Variants in PPEF1 observed in about 807,000 individuals in gnomAD.
PPEF1 encodes the protein protein phosphatase with EF-hand domain 1.
PPEF1 carries 12 observed loss-of-function variants against 53.3 expected under a neutral mutation model. That is an observed-to-expected ratio of 0.23 (90% CI 0.14 to 0.36). PPEF1 has a LOEUF of 0.36. Ranked by LOEUF, PPEF1 falls within the 10% of genes least tolerant of loss-of-function variation. The pLI is 1.00. For missense variants in PPEF1, 334 were observed against 490.4 expected (o/e 0.68, Z 3.01); for synonymous variants, 165 against 176.7 (o/e 0.93, Z 0.52).
chrX:18,680,438 T>TTTC (rs1226594993), upstream of PPEF1, among the ~76,000 whole-genome samples: 1 of 96,602 alleles, frequency 1.0e-5, no homozygotes, highest in Non-Finnish European at 2.1e-5. Context: ...TCTTTTTTTT[T>TTTC]TTTTTTTTGA....
chrX:18,788,269 C>A (rs1193603585), intron 9 of PPEF1, among the ~76,000 whole-genome samples: 6 of 90,141 alleles, frequency 6.7e-5, no homozygotes, highest in Non-Finnish European at 1.3e-4. Flanking sequence ...CGCGCCACTG[C>A]ACTCCAGCCT....
At chrX:18,682,867 A>G (rs768686624), upstream of PPEF1, among the ~76,000 whole-genome samples, 5 of 111,358 alleles carry the variant, frequency 4.5e-5, no homozygotes, top group South Asian at 1.9e-3. Flanking sequence ...CACGCTGCTA[A>G]TAAAGACAAA....
intron 1 of PPEF1, among the ~76,000 whole-genome samples, chrX:18,719,902 T>A (rs1200792285): frequency 8.9e-6 from 1 of 112,019 alleles, no homozygotes; most frequent in Non-Finnish European, 1.9e-5. Context: ...TCCTGCAAAC[T>A]GTTTATTAAT....
At chrX:18,822,807 A>G (rs1269729887) in intron 13 of PPEF1, among the ~76,000 whole-genome samples, 3 of 111,548 alleles carry the variant, frequency 2.7e-5, no homozygotes, top group Non-Finnish European at 5.6e-5. Context: ...TCAAGATACA[A>G]ATTCCTCCCA....
chrX:18,818,397 G>T (rs1355031728), intron 13 of PPEF1, among the ~76,000 whole-genome samples: 1 of 99,649 alleles, frequency 1.0e-5, no homozygotes, highest in African/African-American at 3.8e-5. Context: ...TTGAGACAGA[G>T]TCTTGTTCTG....
At chrX:18,694,050 G>A (rs916923520) in intron 4 of PPEF1, among the ~76,000 whole-genome samples, 10 of 111,421 alleles carry the variant, frequency 9.0e-5, no homozygotes, top group Non-Finnish European at 9.4e-5. Flanking sequence ...TTGAGAATGC[G>A]ATATAACTGT....
chrX:18,717,387 G>A lies in PPEF1; in HGVS notation c.46+9561G>A, dbSNP rs145291181. Reference sequence around the variant, plus strand: ...AGTCCATATTCAGAATTTCCCAGTTGTCCAAAATTGCCCTTTGTAACTGTT... The same window carrying A: ...AGTCCATATTCAGAATTTCCCAGTTATCCAAAATTGCCCTTTGTAACTGTT... On this transcript the variant is annotated intron_variant, in intron 1 of 15. Coordinates refer to ENST00000470157, the MANE Select transcript of PPEF1 (RefSeq NM_001377996.1). Among the ~76,000 whole-genome samples the A allele has an allele frequency of 8.4e-4, 91 of 107,922 alleles. 1 individual carries two copies. Among genetic ancestry groups the A allele is most frequent in the Non-Finnish European group, 1.3e-3 (66 of 52,267 alleles). The allele number at this position is 107,922 out of a possible 115,157, so 93.7% of individuals were successfully genotyped here. A position where few individuals can be genotyped will look rare whatever the true frequency, so the allele number is the denominator to read the frequency against.
rs770856321 is a variant in PPEF1 at position 18,824,130 on chromosome X, CAT to C, written c.1665+46_1665+47del. ...CAGCTAAAACCTAGCCAGGGTGAAA[CAT>C]AACTTAGTCCTTTGAAAAGCTGGGA... On this transcript the variant is annotated intron_variant, in intron 14 of 15. Coordinates refer to ENST00000470157, the MANE Select transcript of PPEF1 (RefSeq NM_001377996.1). 60 of 1,124,502 alleles carry C rather than the reference CAT, an allele frequency of 5.3e-5. No homozygotes were observed. The Admixed American group carries it at 1.4e-3, about 27-fold the overall frequency. 92.7% of individuals were successfully genotyped at this position (1,124,502 alleles called of 1,213,427 possible).
intron 4 of PPEF1, among the ~76,000 whole-genome samples, chrX:18,752,363 T>TTGTGTGTG (rs753584857): frequency 5.5e-5 from 6 of 108,712 alleles, no homozygotes; most frequent in Non-Finnish European, 7.7e-5. Context: ...CTCTAGTAGT[T>TTGTGTGTG]TGTGTGTGTG....
intron 1 of PPEF1, among the ~76,000 whole-genome samples, chrX:18,710,939 T>C (rs1362559160): frequency 9.0e-6 from 1 of 110,891 alleles, no homozygotes; most frequent in Non-Finnish European, 1.9e-5. Flanking sequence ...TAAGTGTTTT[T>C]CAATGGATGA....
chrX:18,778,888 C>T (rs2046024860), intron 6 of PPEF1, 122 bp from the exon 7 acceptor site: 4 of 727,852 alleles, frequency 5.5e-6, no homozygotes, highest in Non-Finnish European at 3.9e-6. Context: ...GCAGATTTTT[C>T]CCGGTGGAAG....
upstream of PPEF1, among the ~76,000 whole-genome samples, chrX:18,678,233 C>A (rs1361931531): frequency 9.2e-6 from 1 of 108,603 alleles, no homozygotes; most frequent in Non-Finnish European, 1.9e-5. Flanking sequence ...GAGTTCAAGA[C>A]CAGGCTGGCC....
At chrX:18,750,792 A>C (rs987105224) in intron 4 of PPEF1, among the ~76,000 whole-genome samples, 2 of 111,791 alleles carry the variant, frequency 1.8e-5, no homozygotes, top group Non-Finnish European at 3.8e-5. Flanking sequence ...TTCTACCAGC[A>C]ATCTATCTTC....
At chrX:18,813,881 G>C (rs1284221121) in intron 12 of PPEF1, among the ~76,000 whole-genome samples, 2 of 111,871 alleles carry the variant, frequency 1.8e-5, no homozygotes, top group Admixed American at 1.9e-4. Flanking sequence ...TACATGTGCA[G>C]ATTTGTTACA....
At chrX:18,741,838 C>T (rs897420448) in intron 3 of PPEF1, among the ~76,000 whole-genome samples, 1 of 90,057 alleles carries the variant, frequency 1.1e-5, no homozygotes, top group Admixed American at 1.5e-4. Flanking sequence ...GAGTCTTGCT[C>T]TGTCACCCAG....
At chrX:18,776,550 G>A (rs1417799142) in intron 6 of PPEF1, among the ~76,000 whole-genome samples, 1 of 111,603 alleles carries the variant, frequency 9.0e-6, no homozygotes, top group African/African-American at 3.3e-5. Flanking sequence ...TTTACGTTTT[G>A]ATGAACGATA....
intron 2 of PPEF1, among the ~76,000 whole-genome samples, chrX:18,730,647 T>C (rs753487637): frequency 1.8e-5 from 2 of 111,198 alleles, no homozygotes; most frequent in Non-Finnish European, 3.8e-5. Flanking sequence ...GGTTAAAAAA[T>C]GGCAGAATTT....
chrX:18,798,301 G>A (rs748744806), intron 10 of PPEF1, among the ~76,000 whole-genome samples: 79 of 111,549 alleles, frequency 7.1e-4, no homozygotes, highest in African/African-American at 2.5e-3. Flanking sequence ...AGAAAGTGCT[G>A]GGATTACAAG....
chrX:18,785,182 A>G lies in PPEF1; in HGVS notation c.912+1134A>G, dbSNP rs771083714. On this transcript the variant is annotated intron_variant, in intron 9 of 15. Transcript: ENST00000470157. ...TTGCTGGTATCCTCCCATCTTTTTA[A>G]TTAAAGTTTAATAAGTCTGACCTCC... 1.8e-4 allele frequency among the ~76,000 whole-genome samples: 20 copies of G among 111,654 alleles called. 1 individual carries two copies. The South Asian group carries it at 7.6e-3, about 42-fold the overall frequency.
Sources: gnomAD v4.1 joint callset for allele counts (sites outside exome capture counted in the v4.1 genomes callset) on GRCh38, gnomAD v4.1.1 for gene constraint, MANE v1.5 for transcripts, NCBI Gene and HGNC (gene_info 2026-07-23, HGNC 2026-07-21) for gene names.